CACNA2D3: variants seen among roughly 807,000 people sequenced by gnomAD.
CACNA2D3 encodes the protein voltage-dependent calcium channel subunit alpha-2/delta-3.
Under a neutral mutation model 160.6 loss-of-function variants are expected in CACNA2D3, and 60 were observed. That is an observed-to-expected ratio of 0.37 (90% CI 0.30 to 0.46). CACNA2D3 has a LOEUF of 0.46. Among genes scored for constraint, CACNA2D3 ranks in the 20% least tolerant of loss-of-function variants. CACNA2D3 has a pLI of 1.00. For synonymous variants in CACNA2D3, 558 were observed against 492.9 expected (o/e 1.13, Z -1.75); for missense variants, 1,205 against 1,365.0 (o/e 0.88, Z 1.85).
At chr3:54,991,224 A>ATTTTTTTTTTTTT (rs72441718) in intron 31 of CACNA2D3, among the ~76,000 whole-genome samples, 1 of 138,736 alleles carries the variant, frequency 7.2e-6, no homozygotes. Flanking sequence ...AGTGTCGAGT[A>ATTTTTTTTTTTTT]TTTTTTTTTT....
intron 5 of CACNA2D3, among the ~76,000 whole-genome samples, chr3:54,514,839 T>C (rs1159177713): frequency 6.6e-6 from 1 of 152,142 alleles, no homozygotes; most frequent in Non-Finnish European, 1.5e-5. Flanking sequence ...TGGTAAGTAG[T>C]CCTTCACAGA....
At chr3:54,949,375 A>T (rs1366408921) in intron 27 of CACNA2D3, among the ~76,000 whole-genome samples, 2 of 152,224 alleles carry the variant, frequency 1.3e-5, no homozygotes, top group Non-Finnish European at 2.9e-5. Flanking sequence ...ATGCCTGCTC[A>T]GCTGGCAAAA....
chr3:54,243,894 A>G (rs1054014185), intron 2 of CACNA2D3, among the ~76,000 whole-genome samples: 1 of 152,172 alleles, frequency 6.6e-6, no homozygotes, highest in African/African-American at 2.4e-5. Context: ...ATGGAGATGG[A>G]AATTAGAATG....
At chr3:54,179,801 T>C (rs1290725959) in intron 2 of CACNA2D3, among the ~76,000 whole-genome samples, 1 of 152,126 alleles carries the variant, frequency 6.6e-6, no homozygotes, top group Admixed American at 6.5e-5. Context: ...AAGCGAGCCC[T>C]CACCAGGAAC....
intron 2 of CACNA2D3, among the ~76,000 whole-genome samples, chr3:54,169,234 T>G (rs1221077430): frequency 6.6e-6 from 1 of 152,216 alleles, no homozygotes; most frequent in Non-Finnish European, 1.5e-5. Flanking sequence ...GATCAGTGTC[T>G]GGTCTTGAAC....
intron 9 of CACNA2D3, among the ~76,000 whole-genome samples, chr3:54,599,184 C>T (rs374466986): frequency 2.6e-5 from 4 of 152,142 alleles, no homozygotes; most frequent in Non-Finnish European, 4.4e-5. Context: ...CCCTTAAACT[C>T]GGGTTGCCAC....
intron 16 of CACNA2D3, 102 bp from the exon 17 acceptor site, chr3:54,846,291 A>T (rs1437911416): frequency 5.9e-6 from 4 of 674,088 alleles, no homozygotes; most frequent in Admixed American, 2.7e-5. Context: ...GTTATGAATG[A>T]CAAGTTAAAG....
intron 4 of CACNA2D3, among the ~76,000 whole-genome samples, chr3:54,400,950 A>T (rs181041597): frequency 6.6e-6 from 1 of 152,204 alleles, no homozygotes; most frequent in Non-Finnish European, 1.5e-5. Context: ...AATGATTGTG[A>T]GGAAACTCTG....
In CACNA2D3 at chr3:54,923,675, C is replaced by G. The variant is rs552932438; in HGVS notation, c.2449+23807C>G. 1.1e-4 allele frequency among the ~76,000 whole-genome samples: 16 copies of G among 152,306 alleles called. No homozygotes were observed. In the South Asian group the frequency reaches 3.3e-3, roughly 32 times the overall value. ...CACTCAAATATAGAAATGAATGAAT[C>G]ATGCTGAGAGCTAGGAAGAGTGAAG... On this transcript the variant is annotated intron_variant, in intron 27 of 37. Transcript: ENST00000474759.
chr3:54,239,517 A>G (rs1192918820), intron 2 of CACNA2D3, among the ~76,000 whole-genome samples: 1 of 152,204 alleles, frequency 6.6e-6, no homozygotes, highest in African/African-American at 2.4e-5. Context: ...AGCTCTGTTA[A>G]TATCTGTTGT....
intron 28 of CACNA2D3, among the ~76,000 whole-genome samples, chr3:54,968,807 T>G (rs1219990256): frequency 6.6e-6 from 1 of 152,244 alleles, no homozygotes; most frequent in African/African-American, 2.4e-5. Flanking sequence ...TGTGAGATTT[T>G]CATTCTGACT....
chr3:54,780,870 G>C (rs1393207166), intron 13 of CACNA2D3, among the ~76,000 whole-genome samples: 1 of 152,134 alleles, frequency 6.6e-6, no homozygotes, highest in Non-Finnish European at 1.5e-5. Context: ...CATAGCACTT[G>C]ACAATCTGCT....
chr3:54,169,648 C>T (rs1017675862), intron 2 of CACNA2D3, among the ~76,000 whole-genome samples: 2 of 151,070 alleles, frequency 1.3e-5, no homozygotes, highest in Non-Finnish European at 3.0e-5. Context: ...TGTATGCAAA[C>T]GTGCATGTGT....
intron 5 of CACNA2D3, among the ~76,000 whole-genome samples, chr3:54,556,273 A>G (rs1702241011): frequency 6.6e-6 from 1 of 152,184 alleles, no homozygotes; most frequent in Non-Finnish European, 1.5e-5. Flanking sequence ...CCTAAACCCA[A>G]TGACCAGTCC....
chr3:54,189,912 C>G (rs961272513), intron 2 of CACNA2D3, among the ~76,000 whole-genome samples: 1 of 152,210 alleles, frequency 6.6e-6, no homozygotes, highest in African/African-American at 2.4e-5. Flanking sequence ...AGCATCACCA[C>G]CCATTCTCAT....
intron 14 of CACNA2D3, among the ~76,000 whole-genome samples, chr3:54,825,853 A>T (rs959315612): frequency 3.3e-5 from 5 of 152,214 alleles, no homozygotes; most frequent in African/African-American, 1.2e-4. Context: ...AATCATCATC[A>T]GTGATTTTAA....
At chr3:54,257,014 G>T (rs1401600104) in intron 2 of CACNA2D3, among the ~76,000 whole-genome samples, 6 of 152,120 alleles carry the variant, frequency 3.9e-5, no homozygotes, top group Non-Finnish European at 8.8e-5. Flanking sequence ...AGTTAGCAGG[G>T]TCTACTTATG....
In CACNA2D3 at chr3:54,746,278, A is replaced by T. The variant is rs1407041355; in HGVS notation, c.1168-6321A>T. 3.3e-5 allele frequency among the ~76,000 whole-genome samples: 5 copies of T among 152,254 alleles called. No homozygotes were observed. The East Asian group carries it at 9.6e-4, about 29-fold the overall frequency. On this transcript the variant is annotated intron_variant, in intron 11 of 37. Transcript: ENST00000474759. Reference sequence around the variant, plus strand: ...TTCAGAAATGCTTCTCTGTACCAGAAATCATAGAAATGAGCAAATAACAAT... The same window carrying T: ...TTCAGAAATGCTTCTCTGTACCAGATATCATAGAAATGAGCAAATAACAAT...
chr3:54,189,272 A>G (rs1700938146), intron 2 of CACNA2D3, among the ~76,000 whole-genome samples: 1 of 152,204 alleles, frequency 6.6e-6, no homozygotes, highest in Admixed American at 6.5e-5. Flanking sequence ...TGAAAGGATT[A>G]AGAAGAGGCT....
Sources: gnomAD v4.1 joint callset for allele counts (sites outside exome capture counted in the v4.1 genomes callset) on GRCh38, gnomAD v4.1.1 for gene constraint, MANE v1.5 for transcripts, NCBI Gene and HGNC (gene_info 2026-07-23, HGNC 2026-07-21) for gene names.